The following RBFOX1 variants were observed in gnomAD, a reference collection of about 807,000 sequenced individuals.
RBFOX1 encodes RNA binding fox-1 homolog 1.
Under a neutral mutation model 57.7 loss-of-function variants are expected in RBFOX1, and 8 were observed. The ratio of observed to expected loss-of-function variants is 0.14; its 90% CI spans 0.08 to 0.25. The LOEUF (loss-of-function observed/expected upper bound fraction) is 0.25, where lower values mean the gene tolerates loss of function less well. Ranked by LOEUF, RBFOX1 falls within the 10% of genes least tolerant of loss-of-function variation. RBFOX1 has a pLI of 1.00. For synonymous variants in RBFOX1, 326 were observed against 222.4 expected (o/e 1.47, Z -4.15); for missense variants, 611 against 548.5 (o/e 1.11, Z -1.14).
chr16:6,755,119 G>T (rs1357750629), intron 3 of RBFOX1, among the ~76,000 whole-genome samples: 1 of 152,148 alleles, frequency 6.6e-6, no homozygotes, highest in Non-Finnish European at 1.5e-5. Flanking sequence ...GGACATTTGG[G>T]TTGGTTCCAA....
chr16:7,349,769 C>T (rs140004235), intron 4 of RBFOX1, among the ~76,000 whole-genome samples: 4 of 152,170 alleles, frequency 2.6e-5, no homozygotes, highest in African/African-American at 9.6e-5. Flanking sequence ...TGAGTAAGAC[C>T]ACTTATATCC....
intron 3 of RBFOX1, among the ~76,000 whole-genome samples, chr16:6,950,331 A>G (rs2080455683): frequency 6.6e-6 from 1 of 151,996 alleles, no homozygotes. Flanking sequence ...CCATTGCTTT[A>G]TCCCATAGAA....
At chr16:6,938,096 A>C (rs1174055466) in intron 3 of RBFOX1, among the ~76,000 whole-genome samples, 1 of 152,078 alleles carries the variant, frequency 6.6e-6, no homozygotes, top group Non-Finnish European at 1.5e-5. Flanking sequence ...AAGAAACTGC[A>C]ATCACATACC....
intron 2 of RBFOX1, among the ~76,000 whole-genome samples, chr16:6,393,057 TG>T (rs1326140555): frequency 6.6e-6 from 1 of 152,158 alleles, no homozygotes; most frequent in East Asian, 1.9e-4. Context: ...CTGGAGTAAA[TG>T]GGGCACTCTG....
At chr16:5,457,728 C>T (rs1218772542) in intron 1 of RBFOX1, among the ~76,000 whole-genome samples, 1 of 152,230 alleles carries the variant, frequency 6.6e-6, no homozygotes, top group Non-Finnish European at 1.5e-5. Context: ...GTTAGGTGCC[C>T]TGCTGGGGCC....
At chr16:6,803,883 G>C (rs1238494088) in intron 3 of RBFOX1, among the ~76,000 whole-genome samples, 1 of 152,166 alleles carries the variant, frequency 6.6e-6, no homozygotes, top group Non-Finnish European at 1.5e-5. Flanking sequence ...GTAAGCTGCA[G>C]AGTGTTGCTG....
rs1432650031 is a variant in RBFOX1, at chr16:7,711,302, A to T, written c.*557A>T. 1 of 152,226 alleles carries T rather than the reference A, an allele frequency of 6.6e-6. No homozygotes were observed. The allele number at this position is 152,226 out of a possible 1,614,324, so 9.4% of individuals were successfully genotyped here. ...AATCATTTATCAATGGTTCTAAGTT[A>T]CTCATTGCCAGTTCAAGCCAAAGGT... is the stretch of plus-strand genomic sequence containing the variant. On this transcript the variant is annotated 3_prime_UTR_variant, in exon 16 of 16. Coordinates refer to ENST00000550418, the MANE Select transcript of RBFOX1 (RefSeq NM_018723.4).
intron 4 of RBFOX1, among the ~76,000 whole-genome samples, chr16:5,877,623 T>G (rs1177565017): frequency 6.6e-6 from 1 of 152,242 alleles, no homozygotes; most frequent in African/African-American, 2.4e-5. Flanking sequence ...GCAGCTTTTA[T>G]TGAAGCATCA....
At chr16:7,557,691 C>G (rs898744806) in intron 5 of RBFOX1, among the ~76,000 whole-genome samples, 6 of 142,216 alleles carry the variant, frequency 4.2e-5, no homozygotes, top group Admixed American at 2.9e-4. Context: ...CCAGAAAGCA[C>G]TTTTATATTA....
intron 2 of RBFOX1, among the ~76,000 whole-genome samples, chr16:6,650,874 T>C (rs1333980149): frequency 6.6e-6 from 1 of 151,952 alleles, no homozygotes; most frequent in African/African-American, 2.4e-5. Context: ...CACAATGGAG[T>C]CCCTAATGTT....
chr16:6,139,238 A>T (rs541620613), intron 1 of RBFOX1, among the ~76,000 whole-genome samples: 7 of 152,280 alleles, frequency 4.6e-5, no homozygotes, highest in African/African-American at 1.7e-4. Context: ...AGTAGTTTTC[A>T]GGCCAACTAA....
intron 1 of RBFOX1, among the ~76,000 whole-genome samples, chr16:6,251,393 T>G (rs2097610212): frequency 6.6e-6 from 1 of 152,124 alleles, no homozygotes; most frequent in Non-Finnish European, 1.5e-5. Context: ...CTGCCCAAAG[T>G]CACACAGTCA....
intron 1 of RBFOX1, among the ~76,000 whole-genome samples, chr16:6,176,405 C>T (rs1351511591): frequency 1.3e-5 from 2 of 151,078 alleles, no homozygotes; most frequent in Admixed American, 6.6e-5. Flanking sequence ...GTCATCCGCC[C>T]GCCTCAGCCT....
At chr16:6,813,327 T>G (rs1296783550) in intron 3 of RBFOX1, among the ~76,000 whole-genome samples, 1 of 152,204 alleles carries the variant, frequency 6.6e-6, no homozygotes, top group East Asian at 1.9e-4. Context: ...TAGCCTCCAG[T>G]TGACCACATT....
At chr16:6,549,104 G>A (rs1233129921) in intron 2 of RBFOX1, among the ~76,000 whole-genome samples, 2 of 112,942 alleles carry the variant, frequency 1.8e-5, no homozygotes, top group Non-Finnish European at 3.6e-5. Context: ...GAGGAGGCGG[G>A]GAGGAAAGAG....
chr16:7,568,131 C>T (rs912418188), intron 5 of RBFOX1, among the ~76,000 whole-genome samples: 2 of 151,908 alleles, frequency 1.3e-5, no homozygotes, highest in Non-Finnish European at 2.9e-5. Flanking sequence ...AAAAAGAATT[C>T]GAGGTGAATC....
chr16:7,571,252 C>T (rs2092741798), intron 5 of RBFOX1, among the ~76,000 whole-genome samples: 1 of 152,142 alleles, frequency 6.6e-6, no homozygotes, highest in African/African-American at 2.4e-5. Context: ...ACCCACTTAC[C>T]TGGTCATCAC....
At chr16:5,914,432 C>T (rs914884444) in intron 4 of RBFOX1, among the ~76,000 whole-genome samples, 12 of 152,186 alleles carry the variant, frequency 7.9e-5, no homozygotes, top group Middle Eastern at 3.4e-3. Context: ...GCTAGAGAAT[C>T]CCCTTCCAAG....
chr16:7,602,272 G>T, intron 9 of RBFOX1, among the ~76,000 whole-genome samples: 1 of 152,306 alleles, frequency 6.6e-6, no homozygotes, highest in South Asian at 2.1e-4. Context: ...TGCAAATTCA[G>T]ATGTGGCCCC....
Sources: gnomAD v4.1 joint callset for allele counts (sites outside exome capture counted in the v4.1 genomes callset) on GRCh38, gnomAD v4.1.1 for gene constraint, MANE v1.5 for transcripts, NCBI Gene and HGNC (gene_info 2026-07-23, HGNC 2026-07-21) for gene names.